RIPOR2: variants seen among roughly 807,000 people sequenced by gnomAD.
RIPOR2 encodes the protein RHO family interacting cell polarization regulator 2.
RIPOR2 carries 39 observed loss-of-function variants against 114.5 expected under a neutral mutation model. The observed-to-expected ratio is 0.34, with a 90% CI of 0.26 to 0.44. RIPOR2 has a LOEUF of 0.44. Among genes scored for constraint, RIPOR2 ranks in the 20% least tolerant of loss-of-function variants. RIPOR2 has a pLI of 1.00. For synonymous variants in RIPOR2, 445 were observed against 484.4 expected (o/e 0.92, Z 1.07); for missense variants, 1,007 against 1,255.1 (o/e 0.80, Z 2.99).
chr6:25,004,497 C>T (rs11758900), intron 1 of RIPOR2, among the ~76,000 whole-genome samples: 1 of 151,956 alleles, frequency 6.6e-6, no homozygotes, highest in Admixed American at 6.6e-5. Context: ...CACCTTGTCG[C>T]CTCCTCTCCA....
intron 1 of RIPOR2, among the ~76,000 whole-genome samples, chr6:24,978,729 A>G (rs1435289885): frequency 6.6e-6 from 1 of 152,190 alleles, no homozygotes; most frequent in Non-Finnish European, 1.5e-5. Flanking sequence ...AGGATATTTA[A>G]TCAATCTATC....
chr6:24,917,820 C>T (rs61328950), intron 1 of RIPOR2, among the ~76,000 whole-genome samples: 2,648 of 152,300 alleles, frequency 0.017, 67 homozygotes, highest in African/African-American at 0.057. Context: ...TGAGCCACCA[C>T]GCCCAGCTGT....
chr6:24,849,153 C>T (rs1467755218), intron 11 of RIPOR2, among the ~76,000 whole-genome samples: 2 of 152,186 alleles, frequency 1.3e-5, no homozygotes, highest in African/African-American at 2.4e-5. Flanking sequence ...GATCCACCTG[C>T]CTTGGCCTCC....
At chr6:24,985,812 T>C (rs943521238) in intron 1 of RIPOR2, among the ~76,000 whole-genome samples, 15 of 152,194 alleles carry the variant, frequency 9.9e-5, no homozygotes, top group African/African-American at 3.6e-4. Context: ...AGTAAGTCAC[T>C]CAGGGAAATT....
At chr6:24,873,586 C>T in intron 3 of RIPOR2, 58 bp downstream of exon 3, 1 of 1,503,806 alleles carries the variant, frequency 6.6e-7, no homozygotes, top group East Asian at 2.3e-5. Context: ...ATAAGACCAG[C>T]TTTTCTCTGA....
At chr6:24,913,402 C>T (rs1367864954) in intron 1 of RIPOR2, among the ~76,000 whole-genome samples, 1 of 152,156 alleles carries the variant, frequency 6.6e-6, no homozygotes. Context: ...CAACACAGGC[C>T]TGAACTGACT....
chr6:24,895,296 G>A (rs961283609), intron 1 of RIPOR2, among the ~76,000 whole-genome samples: 13 of 152,230 alleles, frequency 8.5e-5, no homozygotes, highest in African/African-American at 2.2e-4. Flanking sequence ...TGATCCGCCC[G>A]CCTTGGCCTC....
intron 1 of RIPOR2, among the ~76,000 whole-genome samples, chr6:24,994,144 T>C (rs921910313): frequency 5.3e-5 from 8 of 152,120 alleles, no homozygotes; most frequent in African/African-American, 1.9e-4. Context: ...AAACAGATAA[T>C]TTCCAAAGAG....
At chr6:24,900,881 G>T (rs1768378416) in intron 1 of RIPOR2, among the ~76,000 whole-genome samples, 1 of 152,066 alleles carries the variant, frequency 6.6e-6, no homozygotes, top group African/African-American at 2.4e-5. Context: ...TAAGAGACGG[G>T]GTTGTCAAAG....
intron 1 of RIPOR2, among the ~76,000 whole-genome samples, chr6:24,949,510 G>A (rs963702930): frequency 6.6e-6 from 1 of 152,194 alleles, no homozygotes; most frequent in Non-Finnish European, 1.5e-5. Flanking sequence ...CATCTTTAGG[G>A]TCAGGTTTCG....
intron 14 of RIPOR2, 61 bp downstream of exon 14, chr6:24,839,030 A>G (rs767254558): frequency 1.4e-4 from 192 of 1,363,728 alleles, no homozygotes; most frequent in Non-Finnish European, 1.9e-4. Context: ...TGACAGTAAC[A>G]AAGAACTACT....
intron 19 of RIPOR2, among the ~76,000 whole-genome samples, 189 bp from the exon 20 acceptor site, chr6:24,818,814 T>C (rs1052907401): frequency 3.3e-5 from 5 of 151,724 alleles, no homozygotes; most frequent in Non-Finnish European, 5.9e-5. Context: ...AATAAATTGA[T>C]CCCTTATGTT....
intron 1 of RIPOR2, among the ~76,000 whole-genome samples, chr6:24,988,638 A>G (rs567324768): frequency 1.7e-4 from 26 of 151,878 alleles, no homozygotes; most frequent in African/African-American, 5.3e-4. Flanking sequence ...AAGACATCAT[A>G]TATTGGCTTG....
chr6:24,847,567 C>T, intron 12 of RIPOR2: 1 of 1,551,642 alleles, frequency 6.4e-7, no homozygotes. Context: ...GGCCTTGGGA[C>T]TCGGCCTGAG....
chr6:24,977,024 G>A (rs1160401393), intron 1 of RIPOR2: 34 of 1,473,658 alleles, frequency 2.3e-5, no homozygotes, highest in Non-Finnish European at 2.9e-5. Context: ...CATTCCTTCT[G>A]TAGCTCAGGA....
At chr6:24,850,122 G>A (rs1317199362) in intron 10 of RIPOR2, among the ~76,000 whole-genome samples, 172 bp from the exon 11 acceptor site, 1 of 146,844 alleles carries the variant, frequency 6.8e-6, no homozygotes, top group Non-Finnish European at 1.5e-5. Flanking sequence ...TTGGAGACAG[G>A]GTCTCTCTCT....
intron 6 of RIPOR2, among the ~76,000 whole-genome samples, 198 bp downstream of exon 6, chr6:24,868,896 A>T (rs1463733631): frequency 6.6e-6 from 1 of 152,160 alleles, no homozygotes; most frequent in African/African-American, 2.4e-5. Flanking sequence ...TAGAGTCAAA[A>T]CTGTGCTGGG....
At chr6:24,819,496 A>G (rs1581477047) in intron 19 of RIPOR2, among the ~76,000 whole-genome samples, 2 of 151,386 alleles carry the variant, frequency 1.3e-5, no homozygotes, top group South Asian at 4.2e-4. Context: ...TGTTTAAAAA[A>G]TCTCTGCATA....
intron 16 of RIPOR2, among the ~76,000 whole-genome samples, chr6:24,831,543 T>G (rs753704519): frequency 6.6e-6 from 1 of 152,140 alleles, no homozygotes; most frequent in Non-Finnish European, 1.5e-5. Context: ...ACAGCCTGAA[T>G]GTCCTGCCCC....
Sources: gnomAD v4.1 joint callset for allele counts (sites outside exome capture counted in the v4.1 genomes callset) on GRCh38, gnomAD v4.1.1 for gene constraint, MANE v1.5 for transcripts, NCBI Gene and HGNC (gene_info 2026-07-23, HGNC 2026-07-21) for gene names.